The following WWC2 variants were observed in gnomAD, a reference collection of about 807,000 sequenced individuals.
WWC2 encodes the protein protein WWC2.
In WWC2, 101 loss-of-function variants were observed where a neutral mutation model predicts 138.5. That is an observed-to-expected ratio of 0.73 (90% CI 0.62 to 0.86). The LOEUF (loss-of-function observed/expected upper bound fraction) is 0.86, where lower values mean the gene tolerates loss of function less well. WWC2 is among the 40% of genes least tolerant of loss of function. The pLI is 0.00. For missense variants in WWC2, 1,420 were observed against 1,419.4 expected (o/e 1.00, Z -0.01); for synonymous variants, 558 against 538.4 (o/e 1.04, Z -0.50).
intron 1 of WWC2, among the ~76,000 whole-genome samples, chr4:183,181,793 A>T (rs1734641198): frequency 6.6e-6 from 1 of 152,210 alleles, no homozygotes; most frequent in Admixed American, 6.5e-5. Context: ...TCAACTGTAC[A>T]TAAGTTTATA....
intron 2 of WWC2, among the ~76,000 whole-genome samples, chr4:183,201,303 T>G (rs1281278914): frequency 1.3e-5 from 2 of 152,150 alleles, no homozygotes; most frequent in East Asian, 1.9e-4. Flanking sequence ...TTAGGTGAGA[T>G]ATACATCTTC....
chr4:183,223,791 G>A (rs1373152528), intron 4 of WWC2, among the ~76,000 whole-genome samples: 3 of 151,986 alleles, frequency 2.0e-5, no homozygotes, highest in Admixed American at 6.6e-5. Context: ...AGGGCAGTGC[G>A]GCAATCTCGG....
At chr4:183,125,691 A>G (rs1402493014) in intron 1 of WWC2, among the ~76,000 whole-genome samples, 1 of 152,178 alleles carries the variant, frequency 6.6e-6, no homozygotes, top group Non-Finnish European at 1.5e-5. Flanking sequence ...AATTGTTTTA[A>G]TATCGAAGTA....
intron 9 of WWC2, among the ~76,000 whole-genome samples, chr4:183,258,521 A>C (rs746219943): frequency 1.3e-5 from 2 of 152,154 alleles, no homozygotes; most frequent in Admixed American, 6.5e-5. Flanking sequence ...AGGAAATTTT[A>C]TTTTTCTCCA....
At chr4:183,215,360 T>G (rs903308525) in intron 4 of WWC2, among the ~76,000 whole-genome samples, 1 of 152,168 alleles carries the variant, frequency 6.6e-6, no homozygotes, top group East Asian at 1.9e-4. Context: ...AGGACTATTA[T>G]AGTTAGTGTT....
At chr4:183,160,086 G>A (rs1026238690) in intron 1 of WWC2, among the ~76,000 whole-genome samples, 2 of 152,202 alleles carry the variant, frequency 1.3e-5, no homozygotes, top group African/African-American at 2.4e-5. Context: ...TATTAACTGC[G>A]TAAAGTACAG....
intron 21 of WWC2, among the ~76,000 whole-genome samples, chr4:183,298,245 G>GT (rs1337429552): frequency 6.6e-6 from 1 of 152,188 alleles, no homozygotes; most frequent in Non-Finnish European, 1.5e-5. Context: ...CATAGCTATT[G>GT]TTTTTCTAGA....
intron 4 of WWC2, among the ~76,000 whole-genome samples, chr4:183,221,086 C>A (rs1735923265): frequency 1.3e-5 from 2 of 151,994 alleles, no homozygotes; most frequent in East Asian, 3.9e-4. Flanking sequence ...ATATAAAGGC[C>A]TAGATAGGTT....
chr4:183,302,560 T>C (rs1251321636), intron 21 of WWC2, among the ~76,000 whole-genome samples: 1 of 120,796 alleles, frequency 8.3e-6, no homozygotes, highest in Non-Finnish European at 1.9e-5. Flanking sequence ...AGGCAGCTTC[T>C]CAAAGCACTG....
intron 1 of WWC2, among the ~76,000 whole-genome samples, chr4:183,166,008 C>T (rs1003985156): frequency 6.6e-6 from 1 of 152,084 alleles, no homozygotes; most frequent in African/African-American, 2.4e-5. Context: ...TGAAGAGTGC[C>T]ACACTGATAT....
chr4:183,302,345 T>C (rs775688977), intron 21 of WWC2, among the ~76,000 whole-genome samples: 2 of 152,214 alleles, frequency 1.3e-5, no homozygotes, highest in Admixed American at 1.3e-4. Flanking sequence ...ATTGCCCTTT[T>C]TGCCAGCACC....
At chr4:183,217,478 AAG>A (rs1735789900) in intron 4 of WWC2, among the ~76,000 whole-genome samples, 2 of 152,244 alleles carry the variant, frequency 1.3e-5, no homozygotes, top group African/African-American at 4.8e-5. Flanking sequence ...CCACAACAAA[AAG>A]AAGAAATGAC....
chr4:183,181,248 A>G lies in WWC2; in HGVS notation c.132-12351A>G, dbSNP rs556864785. Among the ~76,000 whole-genome samples, 4 of 152,334 alleles carry G rather than the reference A, an allele frequency of 2.6e-5. No individual in the cohort carries two copies. In the East Asian group the frequency reaches 5.8e-4, roughly 22 times the overall value. ...GCATTTCCTCTCTCTGGTAAATTGC[A>G]TATCACAGTAAAAAGTGATCTCTCA... On this transcript the variant is annotated intron_variant, in intron 1 of 22. Transcript: ENST00000403733.
intron 21 of WWC2, among the ~76,000 whole-genome samples, chr4:183,293,688 G>A (rs1249345080): frequency 6.6e-6 from 1 of 152,182 alleles, no homozygotes; most frequent in Non-Finnish European, 1.5e-5. Flanking sequence ...GACATTGCAT[G>A]CATTAAAAAA....
At chr4:183,167,702 A>C (rs768243996) in intron 1 of WWC2, among the ~76,000 whole-genome samples, 1 of 152,162 alleles carries the variant, frequency 6.6e-6, no homozygotes, top group African/African-American at 2.4e-5. Flanking sequence ...ACTTTGGTGC[A>C]CTTAGAAAAA....
chr4:183,123,185 C>T (rs2111052180), intron 1 of WWC2, among the ~76,000 whole-genome samples: 1 of 152,246 alleles, frequency 6.6e-6, no homozygotes, highest in East Asian at 1.9e-4. Flanking sequence ...GAAACTCTTG[C>T]ATGTATGTTC....
At chr4:183,249,802 C>A in intron 7 of WWC2, 118 bp from the exon 8 acceptor site, 1 of 747,372 alleles carries the variant, frequency 1.3e-6, no homozygotes, top group South Asian at 2.1e-5. Context: ...TGGTGTTTCC[C>A]GATTTCAGTA....
chr4:183,240,333 G>A, intron 5 of WWC2, 71 bp downstream of exon 5: 2 of 1,215,172 alleles, frequency 1.6e-6, no homozygotes, highest in South Asian at 3.2e-5. Flanking sequence ...GAAAATAGAA[G>A]TACAGATTAC....
chr4:183,289,310 A>C, intron 20 of WWC2, 83 bp from the exon 21 acceptor site: 1 of 1,520,052 alleles, frequency 6.6e-7, no homozygotes, highest in South Asian at 1.3e-5. Context: ...AGCACCATCC[A>C]TCATGCGCCA....
Sources: gnomAD v4.1 joint callset for allele counts (sites outside exome capture counted in the v4.1 genomes callset) on GRCh38, gnomAD v4.1.1 for gene constraint, MANE v1.5 for transcripts, NCBI Gene and HGNC (gene_info 2026-07-23, HGNC 2026-07-21) for gene names.